Variants in COL27A1 observed in about 807,000 individuals in gnomAD.
COL27A1 encodes collagen type XXVII alpha 1 chain.
COL27A1 carries 106 observed loss-of-function variants against 251.3 expected under a neutral mutation model. The ratio of observed to expected loss-of-function variants is 0.42; its 90% CI spans 0.36 to 0.50. The LOEUF (loss-of-function observed/expected upper bound fraction) is 0.50, where lower values mean the gene tolerates loss of function less well. COL27A1 is among the 20% of genes least tolerant of loss of function. The pLI, the probability that COL27A1 is intolerant of heterozygous loss-of-function variation, is 0.00. For synonymous variants in COL27A1, 1,000 were observed against 986.3 expected, an observed-to-expected ratio of 1.01 and a Z score of -0.26; for missense variants, 2,325 against 2,522.8, an observed-to-expected ratio of 0.92 and a Z score of 1.68.
At position 114,248,835 on chromosome 9, in the gene COL27A1, T is replaced by C. The variant is rs545097977; in HGVS notation, c.2980-1780T>C. On this transcript the variant is annotated intron_variant, in intron 24 of 60. Coordinates refer to ENST00000356083, the MANE Select transcript of COL27A1 (RefSeq NM_032888.4). ...AGTAGCTATGAAATTTCTGTTTCTC[T>C]GGGCCAGTCAGGCAGGGGCCTTTTA... Among the ~76,000 whole-genome samples the C allele has an allele frequency of 3.7e-3, 569 of 152,354 alleles. 1 individual carries two copies. The highest frequency in any genetic ancestry group is 7.0e-3 in the Non-Finnish European group (473 of 68,036).
At chr9:114,182,520 T>C (rs1181852144) in intron 4 of COL27A1, among the ~76,000 whole-genome samples, 6 of 151,900 alleles carry the variant, frequency 3.9e-5, no homozygotes, top group Admixed American at 3.3e-4. Flanking sequence ...GGGAACAGCA[T>C]GGGCAAACGC....
rs117330525 is a variant in COL27A1, at chr9:114,180,012, G to A, written c.1962+1668G>A. On this transcript the variant is annotated intron_variant, in intron 4 of 60. Transcript: ENST00000356083. The stretch of plus-strand genomic sequence containing the variant: ...CGCCCCCGGGCCCAGCTATTTTTTC[G>A]TATTTTTAGTAGACATGGGGTTTCA... Among the ~76,000 whole-genome samples the A allele has an allele frequency of 2.8e-3, 423 of 151,820 alleles. 11 individuals carry two copies. In the South Asian group the frequency reaches 0.041, roughly 15 times the overall value.
chr9:114,286,389 A>G (rs568260295), intron 41 of COL27A1, among the ~76,000 whole-genome samples: 2 of 152,174 alleles, frequency 1.3e-5, no homozygotes, highest in Non-Finnish European at 2.9e-5. Context: ...CAGGATCTGT[A>G]GTAAGAGGGT....
In COL27A1 at chr9:114,168,504, C is replaced by G; in HGVS notation, c.949C>G (p.Pro317Ala). 9 of 1,613,876 alleles carry G rather than the reference C, an allele frequency of 5.6e-6. No individual in the cohort carries two copies. The highest frequency in any genetic ancestry group is 7.6e-6 in the Non-Finnish European group (9 of 1,179,880). Reference sequence around the variant, plus strand: ...TCACCAGCATATGGCGGTGGGAGGCCCAGCCCAAACCCCGCTGCTACCTGC... The same window carrying G: ...TCACCAGCATATGGCGGTGGGAGGCGCAGCCCAAACCCCGCTGCTACCTGC... ...NPHQHMAVGG[P>A]AQTPLLPAKL... Residue 317 changes from proline (P) to alanine (A), a missense_variant, in exon 3 of 61, where the codon CCA becomes GCA. Pro to Ala is a conservative substitution (Grantham distance 27, BLOSUM62 -1). Coordinates refer to ENST00000356083, the MANE Select transcript of COL27A1 (RefSeq NM_032888.4).
intron 12 of COL27A1, 47 bp downstream of exon 12, chr9:114,211,073 A>C: frequency 6.3e-7 from 1 of 1,597,386 alleles, no homozygotes; most frequent in East Asian, 2.2e-5. Flanking sequence ...GGGGAACCCC[A>C]CCTCCCACGG....
At chr9:114,240,939 C>T (rs1832714985) in intron 21 of COL27A1, among the ~76,000 whole-genome samples, 2 of 152,242 alleles carry the variant, frequency 1.3e-5, no homozygotes, top group African/African-American at 4.8e-5. Flanking sequence ...TCTGCTTGAG[C>T]CCAAAGCCCA....
At chr9:114,301,363 C>A (rs368099728) in intron 53 of COL27A1, 44 bp downstream of exon 53, 1 of 331,468 alleles carries the variant, frequency 3.0e-6, no homozygotes, top group Non-Finnish European at 6.0e-6. Flanking sequence ...ACTGCAGGGG[C>A]GGGGGAGGGG....
At chr9:114,182,743 A>G (rs1828028481) in intron 4 of COL27A1, among the ~76,000 whole-genome samples, 1 of 152,148 alleles carries the variant, frequency 6.6e-6, no homozygotes, top group South Asian at 2.1e-4. Flanking sequence ...CTCTGTGAAC[A>G]TTGGCATCCT....
At chr9:114,239,617 T>G (rs16927543) in intron 19 of COL27A1, among the ~76,000 whole-genome samples, 3,353 of 152,234 alleles carry the variant, frequency 0.022, 131 homozygotes, top group African/African-American at 0.078. Context: ...TTCCGCTCCA[T>G]GTGGGAAGAA....
At chr9:114,240,537 C>T (rs1490299392) in intron 21 of COL27A1, 50 bp downstream of exon 21, 2 of 1,547,642 alleles carry the variant, frequency 1.3e-6, no homozygotes, top group East Asian at 2.2e-5. Context: ...GATTGCAGCC[C>T]CCAGCCTGCC....
Position 114,169,172 on chromosome 9 carries a change from G to T in COL27A1, c.1617G>T (p.Ser539=). ...CTGGAAGCAAGAAGCCCATTGGATC[G>T]GAAGCCTCAAAGAAAGCCGGACCCA... The part of the protein sequence containing the change: ...APTGSKKPIG[S]EASKKAGPKS... Residue 539 remains serine, a synonymous_variant, in exon 3 of 61, where the codon TCG becomes TCT. Transcript: ENST00000356083. 6.2e-7 allele frequency: 1 copy of T among 1,613,992 alleles called. No homozygotes were observed. The highest frequency in any genetic ancestry group is 8.5e-7 in the Non-Finnish European group (1 of 1,179,992).
Position 114,235,559 on chromosome 9 carries a change from G to A in COL27A1, c.2566-40G>A, listed in dbSNP as rs368874398. 256 of 1,557,328 alleles carry A rather than the reference G, an allele frequency of 1.6e-4. No individual in the cohort carries two copies. In the African/African-American group the frequency reaches 3.1e-3, roughly 19 times the overall value. Reference sequence around the variant, plus strand: ...TGTGGGGGAGGCTTCCAGAACCCACGTGGCCTCCATTGTAACCTTCTTTGC... The same window carrying A: ...TGTGGGGGAGGCTTCCAGAACCCACATGGCCTCCATTGTAACCTTCTTTGC... On this transcript the variant is annotated intron_variant, in intron 16 of 60. Coordinates refer to ENST00000356083, the MANE Select transcript of COL27A1 (RefSeq NM_032888.4).
At chr9:114,190,119 A>G (rs1045078861) in intron 5 of COL27A1, among the ~76,000 whole-genome samples, 1 of 152,172 alleles carries the variant, frequency 6.6e-6, no homozygotes, top group East Asian at 1.9e-4. Context: ...ACCCATTCCT[A>G]TCCCTACCAT....
At chr9:114,282,239 C>T in intron 37 of COL27A1, 38 bp from the exon 38 acceptor site, 1 of 1,589,222 alleles carries the variant, frequency 6.3e-7, no homozygotes, top group Non-Finnish European at 8.6e-7. Context: ...CCTCTCTTCT[C>T]TCATCTTTCT....
In COL27A1 at chr9:114,290,538, C is replaced by T. The variant is rs1460759417; in HGVS notation, c.4368+207C>T. ...TGACTGTCTCTCCTGGATGCCAGCACCCAGAAAGACCTTCCTTTCCTCCCC... is the reference window on the plus strand; with the variant it reads ...TGACTGTCTCTCCTGGATGCCAGCATCCAGAAAGACCTTCCTTTCCTCCCC... On this transcript the variant is annotated intron_variant, in intron 47 of 60. Transcript: ENST00000356083. The surrounding 1 kb of genome is among the most constrained non-coding windows in gnomAD (Gnocchi z 4.6). Among the ~76,000 whole-genome samples the T allele has an allele frequency of 1.3e-5, 2 of 152,156 alleles. No homozygotes were observed.
intron 41 of COL27A1, among the ~76,000 whole-genome samples, chr9:114,285,735 G>T (rs1026593586): frequency 6.6e-6 from 1 of 152,194 alleles, no homozygotes; most frequent in Non-Finnish European, 1.5e-5. Context: ...TCAGTACCCC[G>T]GGTCCCTCCT....
chr9:114,275,998 T>A (rs1835479894), intron 37 of COL27A1, among the ~76,000 whole-genome samples: 1 of 152,212 alleles, frequency 6.6e-6, no homozygotes, highest in South Asian at 2.1e-4. Context: ...TGTGCAAACC[T>A]GGTCCCTGCC....
rs1353446048 is a variant in COL27A1, at chr9:114,275,466, C to CA, written c.3610-193dup. Among the ~76,000 whole-genome samples, 4 of 152,278 alleles carry CA rather than the reference C, an allele frequency of 2.6e-5. No homozygotes were observed. In the East Asian group the frequency reaches 7.7e-4, roughly 29 times the overall value. ...TCTACGTCTGGGATGCATCCTTGTG[C>CA]AAGCTTAGAGCTACACTGGGCTTGG... On this transcript the variant is annotated intron_variant, in intron 36 of 60. Coordinates refer to ENST00000356083, the MANE Select transcript of COL27A1 (RefSeq NM_032888.4).
intron 7 of COL27A1, among the ~76,000 whole-genome samples, chr9:114,202,058 A>G (rs1364648742): frequency 6.6e-6 from 1 of 152,212 alleles, no homozygotes; most frequent in African/African-American, 2.4e-5. Context: ...CAAGGAGTCC[A>G]TGAACTGATA....
Sources: allele counts gnomAD v4.1 joint callset (sites outside exome capture counted in the v4.1 genomes callset), GRCh38; gene constraint gnomAD v4.1.1; non-coding constraint Gnocchi (gnomAD v3.1); transcripts MANE v1.5; gene names NCBI Gene and HGNC (gene_info 2026-07-23, HGNC 2026-07-21).